BMERB1: variants seen among roughly 807,000 people sequenced by gnomAD.
BMERB1 encodes the protein bMERB domain-containing protein 1.
In BMERB1, 12 loss-of-function variants were observed where a neutral mutation model predicts 23.6. The observed-to-expected ratio is 0.51, with a 90% confidence interval of 0.33 to 0.82. The LOEUF is 0.82. Among genes scored for constraint, BMERB1 ranks in the 40% least tolerant of loss-of-function variants. The pLI, the probability that BMERB1 is intolerant of heterozygous loss-of-function variation, is 0.03. For synonymous variants in BMERB1, 122 were observed against 96.6 expected (o/e 1.26, Z -1.54); for missense variants, 247 against 255.4 (o/e 0.97, Z 0.22).
At chr16:15,558,254 C>G (rs942008020) in intron 2 of BMERB1, among the ~76,000 whole-genome samples, 1 of 151,984 alleles carries the variant, frequency 6.6e-6, no homozygotes, top group East Asian at 1.9e-4. Context: ...TTCACACCAA[C>G]GCAGCCAAGC....
At chr16:15,523,251 GTCTTCTTTGCCGA>G (rs1222994182) in intron 2 of BMERB1, among the ~76,000 whole-genome samples, 2 of 152,066 alleles carry the variant, frequency 1.3e-5, no homozygotes, top group Admixed American at 1.3e-4. Flanking sequence ...AGACGCTTGT[GTCTTCTTTGCCGA>G]TCTGCAGCTC....
At position 15,587,724 on chromosome 16, in the gene BMERB1, C is replaced by T. The variant is rs1049399797; in HGVS notation, c.*895C>T. ...GACCTTTGTAAAGAACAGCAACAGG[C>T]AGGAGAGGCAGCGTGTGACCAGATT... On this transcript the variant is annotated 3_prime_UTR_variant, in exon 6 of 6. Coordinates refer to ENST00000300006, the MANE Select transcript of BMERB1 (RefSeq NM_033201.3). The T allele has an allele frequency of 3.5e-6, 1 of 287,736 alleles. No individual in the cohort carries two copies. The highest frequency in any genetic ancestry group is 2.6e-5 in the South Asian group (1 of 38,564). The allele number at this position is 287,736 out of a possible 1,614,324, so 17.8% of individuals were successfully genotyped here.
chr16:15,526,554 G>C (rs1260518657), intron 2 of BMERB1, among the ~76,000 whole-genome samples: 10 of 150,800 alleles, frequency 6.6e-5, no homozygotes, highest in Non-Finnish European at 1.2e-4. Context: ...GTCCCAGCTA[G>C]TCGGGAGGCT....
chr16:15,497,113 G>T (rs572417165), intron 1 of BMERB1, among the ~76,000 whole-genome samples: 1 of 152,180 alleles, frequency 6.6e-6, no homozygotes, highest in Non-Finnish European at 1.5e-5. Context: ...CAGGGGATTC[G>T]TCTAGGTCCT....
At chr16:15,461,187 A>C (rs1163996080) in intron 1 of BMERB1, among the ~76,000 whole-genome samples, 1 of 151,744 alleles carries the variant, frequency 6.6e-6, no homozygotes, top group East Asian at 1.9e-4. Flanking sequence ...CAGCCTGGGA[A>C]CAGGGAGAAG....
At chr16:15,468,966 T>G (rs983771365) in intron 1 of BMERB1, among the ~76,000 whole-genome samples, 9 of 113,208 alleles carry the variant, frequency 7.9e-5, no homozygotes, top group Non-Finnish European at 1.5e-4. Context: ...ATCTTCACAC[T>G]TTTTTTTTTT....
intron 2 of BMERB1, among the ~76,000 whole-genome samples, chr16:15,527,600 G>A (rs781709590): frequency 1.3e-4 from 20 of 151,824 alleles, no homozygotes; most frequent in Non-Finnish European, 2.1e-4. Flanking sequence ...GTGAGAATCC[G>A]TCTCAAAAAA....
chr16:15,555,209 G>A (rs2030218867), intron 2 of BMERB1, among the ~76,000 whole-genome samples: 1 of 152,006 alleles, frequency 6.6e-6, no homozygotes, highest in Admixed American at 6.6e-5. Flanking sequence ...TCTGGTAGCT[G>A]GAACCACAGG....
chr16:15,547,153 A>G (rs908632594), intron 2 of BMERB1, among the ~76,000 whole-genome samples: 5 of 151,480 alleles, frequency 3.3e-5, no homozygotes, highest in Non-Finnish European at 7.4e-5. Flanking sequence ...CTGGGATTAC[A>G]GGCATGCGCC....
At chr16:15,487,246 A>C (rs2051376405) in intron 1 of BMERB1, among the ~76,000 whole-genome samples, 1 of 152,216 alleles carries the variant, frequency 6.6e-6, no homozygotes, top group South Asian at 2.1e-4. Context: ...AGCCTTATAT[A>C]AAATAATAGC....
Position 15,547,120 on chromosome 16 carries a change from C to G in BMERB1, c.231-20863C>G, listed in dbSNP as rs375586915. 6.7e-5 allele frequency among the ~76,000 whole-genome samples: 10 copies of G among 150,240 alleles called. No individual in the cohort carries two copies. The East Asian group carries it at 2.0e-3, about 30-fold the overall frequency. On this transcript the variant is annotated intron_variant, in intron 2 of 5. Coordinates refer to ENST00000300006, the MANE Select transcript of BMERB1 (RefSeq NM_033201.3). ...CTCTGCCTCCTAGGTTCAAGCGATT[C>G]TCCTGCCTCAGCTTCCGAGTAGCTG...
intron 2 of BMERB1, among the ~76,000 whole-genome samples, chr16:15,524,266 C>T (rs1378934396): frequency 6.6e-6 from 1 of 151,960 alleles, no homozygotes; most frequent in East Asian, 1.9e-4. Flanking sequence ...TGCAGAAGAT[C>T]TAAGAAGCAG....
chr16:15,585,669 A>G (rs973592679), intron 5 of BMERB1, among the ~76,000 whole-genome samples: 18 of 152,140 alleles, frequency 1.2e-4, no homozygotes, highest in African/African-American at 4.1e-4. Context: ...GTCTCTGCTA[A>G]AAGTACAAAA....
intron 1 of BMERB1, among the ~76,000 whole-genome samples, chr16:15,437,240 A>G (rs2050896078): frequency 6.6e-6 from 1 of 152,204 alleles, no homozygotes; most frequent in Admixed American, 6.6e-5. Flanking sequence ...GGGTCCACGC[A>G]GAATGGAAGC....
chr16:15,553,194 G>A (rs988956742), intron 2 of BMERB1, among the ~76,000 whole-genome samples: 1 of 152,206 alleles, frequency 6.6e-6, no homozygotes, highest in African/African-American at 2.4e-5. Flanking sequence ...TTTTAGTAGA[G>A]ATGGAGTTTC....
intron 3 of BMERB1, among the ~76,000 whole-genome samples, chr16:15,569,991 C>T (rs1174032302): frequency 1.3e-5 from 2 of 152,108 alleles, no homozygotes; most frequent in Non-Finnish European, 2.9e-5. Context: ...GCTAGCATGG[C>T]CTAAACCTGG....
chr16:15,496,460 T>C (rs2051474346), intron 1 of BMERB1, among the ~76,000 whole-genome samples: 1 of 152,118 alleles, frequency 6.6e-6, no homozygotes, highest in Admixed American at 6.5e-5. Context: ...GTTACATAAC[T>C]CACTTACCAG....
At chr16:15,443,643 C>A (rs901855077) in intron 1 of BMERB1, among the ~76,000 whole-genome samples, 1 of 151,692 alleles carries the variant, frequency 6.6e-6, no homozygotes, top group Non-Finnish European at 1.5e-5. Context: ...GTGGGCCAGG[C>A]ATGGTGGCTC....
chr16:15,564,524 G>A (rs917516035), intron 2 of BMERB1, among the ~76,000 whole-genome samples: 8 of 152,180 alleles, frequency 5.3e-5, no homozygotes, highest in African/African-American at 1.7e-4. Context: ...TAATTTTAAA[G>A]CGTCTATAAT....
Sources: gnomAD v4.1 joint callset for allele counts (sites outside exome capture counted in the v4.1 genomes callset) on GRCh38, gnomAD v4.1.1 for gene constraint, MANE v1.5 for transcripts, NCBI Gene and HGNC (gene_info 2026-07-23, HGNC 2026-07-21) for gene names.